Variants in COP1 observed in about 807,000 individuals in gnomAD.
The protein encoded by COP1 is COP1 E3 ubiquitin ligase, also known as E3 ubiquitin-protein ligase COP1.
A neutral mutation model predicts 101.3 loss-of-function variants in COP1; 24 were observed. The ratio of observed to expected loss-of-function variants is 0.24; its 90% confidence interval spans 0.17 to 0.33. COP1 has a LOEUF of 0.33. COP1 is among the 10% of genes least tolerant of loss of function. The pLI, the probability that COP1 is intolerant of heterozygous loss-of-function variation, is 1.00. For synonymous variants in COP1, 347 were observed against 341.9 expected (o/e 1.01, Z -0.17); for missense variants, 663 against 906.2 (o/e 0.73, Z 3.45).
intron 18 of COP1, among the ~76,000 whole-genome samples, chr1:175,981,274 T>C (rs1655791762): frequency 1.3e-5 from 2 of 152,306 alleles, no homozygotes; most frequent in South Asian, 4.1e-4. Flanking sequence ...AATGTTTTCC[T>C]TCCCACACTA....
In COP1 at chr1:176,085,771, T is replaced by A. The variant is rs377505437; in HGVS notation, c.1141+5A>T. Reference sequence around the variant, plus strand: ...CAGATAATTTGAGAAGGTCTAAATATATACCTGAGATACGAGACATCCTTG... The same window carrying A: ...CAGATAATTTGAGAAGGTCTAAATAAATACCTGAGATACGAGACATCCTTG... On this transcript the variant is annotated splice_donor_5th_base_variant and intron_variant, in intron 10 of 19. Transcript: ENST00000367669. 2 of 1,505,520 alleles carry A rather than the reference T, an allele frequency of 1.3e-6. No individual in the cohort carries two copies. The highest frequency in any genetic ancestry group is 1.4e-5 in the African/African-American group (1 of 72,818). 93.3% of individuals were successfully genotyped at this position (1,505,520 alleles called of 1,614,324 possible).
chr1:176,112,476 A>C (rs1489968603), intron 9 of COP1, among the ~76,000 whole-genome samples: 1 of 152,180 alleles, frequency 6.6e-6, no homozygotes, highest in Non-Finnish European at 1.5e-5. Context: ...GGTACATGTA[A>C]TATTTTGATA....
At chr1:176,084,856 T>TC (rs199549348) in intron 10 of COP1, among the ~76,000 whole-genome samples, 1 of 151,492 alleles carries the variant, frequency 6.6e-6, no homozygotes, top group East Asian at 2.0e-4. Context: ...CAGACTTTTT[T>TC]TTTTCCCCCT....
chr1:176,205,140 A>T (rs925407568), intron 1 of COP1, among the ~76,000 whole-genome samples: 2 of 152,248 alleles, frequency 1.3e-5, no homozygotes, highest in African/African-American at 4.8e-5. Flanking sequence ...TAAGTATACT[A>T]AAAATTAAAA....
intron 9 of COP1, among the ~76,000 whole-genome samples, chr1:176,094,917 G>T (rs1458138019): frequency 6.6e-6 from 1 of 152,042 alleles, no homozygotes; most frequent in Non-Finnish European, 1.5e-5. Context: ...GAGTACAAAA[G>T]CAATGAGATC....
At chr1:175,997,664 G>A (rs1203715297) in intron 15 of COP1, among the ~76,000 whole-genome samples, 2 of 152,234 alleles carry the variant, frequency 1.3e-5, no homozygotes, top group East Asian at 3.9e-4. Context: ...ATCATCACTG[G>A]CTATCAGAGA....
intron 18 of COP1, among the ~76,000 whole-genome samples, chr1:175,965,901 A>G (rs1434931280): frequency 6.6e-6 from 1 of 152,122 alleles, no homozygotes. Flanking sequence ...GGTTTGATTC[A>G]TCATAAGAAT....
chr1:175,945,765 G>A (rs926462302), intron 19 of COP1, among the ~76,000 whole-genome samples: 15 of 152,320 alleles, frequency 9.8e-5, no homozygotes, highest in African/African-American at 3.4e-4. Flanking sequence ...GGATAGTTAT[G>A]AGACACTGTC....
At chr1:175,967,287 C>T (rs1023485134) in intron 18 of COP1, among the ~76,000 whole-genome samples, 11 of 152,144 alleles carry the variant, frequency 7.2e-5, no homozygotes, top group Non-Finnish European at 1.6e-4. Context: ...GATGGGACTA[C>T]TGGCGTGAGC....
intron 18 of COP1, among the ~76,000 whole-genome samples, chr1:175,952,258 C>A (rs1439906819): frequency 6.6e-6 from 1 of 151,910 alleles, no homozygotes; most frequent in Non-Finnish European, 1.5e-5. Flanking sequence ...CCCATCTCTA[C>A]TAAAAATACA....
At chr1:176,152,695 C>A (rs1438956118) in intron 5 of COP1, among the ~76,000 whole-genome samples, 2 of 152,214 alleles carry the variant, frequency 1.3e-5, no homozygotes, top group East Asian at 1.9e-4. Flanking sequence ...GCCTTCCTGG[C>A]CTCCCAAAGT....
chr1:176,191,141 A>T (rs760899592), intron 1 of COP1, among the ~76,000 whole-genome samples: 11 of 152,094 alleles, frequency 7.2e-5, no homozygotes, highest in Non-Finnish European at 1.3e-4. Context: ...TCATAATCTT[A>T]TAGAATATTA....
chr1:175,976,217 A>G (rs924960499), intron 18 of COP1, among the ~76,000 whole-genome samples: 4 of 149,328 alleles, frequency 2.7e-5, no homozygotes, highest in African/African-American at 9.8e-5. Flanking sequence ...TCAGAATATA[A>G]AACTATTTTT....
chr1:176,199,681 C>T (rs771886487), intron 1 of COP1, among the ~76,000 whole-genome samples: 1 of 152,048 alleles, frequency 6.6e-6, no homozygotes, highest in Non-Finnish European at 1.5e-5. Context: ...AAAAGACTAC[C>T]GACTAAAGGA....
At chr1:176,056,892 G>T (rs186997760) in intron 11 of COP1, among the ~76,000 whole-genome samples, 1 of 152,200 alleles carries the variant, frequency 6.6e-6, no homozygotes. Flanking sequence ...AGAAATAAAG[G>T]ATTCAATGTA....
Position 176,137,893 on chromosome 1 carries a change from G to A in COP1, c.832-1346C>T, listed in dbSNP as rs546962841. ...CCTAAGTACTGAGAAGAACAGGATC[G>A]AAAAACAACTGTAGCCCTTACCCTG... is the stretch of plus-strand genomic sequence containing the variant. On this transcript the variant is annotated intron_variant, in intron 6 of 19. Transcript: ENST00000367669. Among the ~76,000 whole-genome samples, 18 of 152,146 alleles carry A rather than the reference G, an allele frequency of 1.2e-4. No homozygotes were observed. The South Asian group carries it at 3.5e-3, about 30-fold the overall frequency.
intron 11 of COP1, among the ~76,000 whole-genome samples, chr1:176,078,366 T>C (rs1409416876): frequency 6.6e-6 from 1 of 152,130 alleles, no homozygotes; most frequent in African/African-American, 2.4e-5. Flanking sequence ...ATCTGATCTT[T>C]GACAAAATCA....
intron 8 of COP1, among the ~76,000 whole-genome samples, chr1:176,132,590 A>T (rs1039236207): frequency 1.0e-4 from 14 of 139,556 alleles, no homozygotes; most frequent in South Asian, 6.8e-4. Context: ...ATATACACAC[A>T]TATACACATA....
At chr1:176,057,371 C>T (rs1340683034) in intron 11 of COP1, among the ~76,000 whole-genome samples, 1 of 152,170 alleles carries the variant, frequency 6.6e-6, no homozygotes, top group Non-Finnish European at 1.5e-5. Context: ...TCCACGATCT[C>T]CCTCTGATGC....
Sources: gnomAD v4.1 joint callset for allele counts (sites outside exome capture counted in the v4.1 genomes callset) on GRCh38, gnomAD v4.1.1 for gene constraint, MANE v1.5 for transcripts, NCBI Gene and HGNC (gene_info 2026-07-23, HGNC 2026-07-21) for gene names.